The following RIC8B variants were observed in gnomAD, a reference collection of about 807,000 sequenced individuals.
The protein encoded by RIC8B is RIC8 guanine nucleotide exchange factor B.
In RIC8B, 16 loss-of-function variants were observed where a neutral mutation model predicts 57.5. That is an observed-to-expected ratio of 0.28 (90% CI 0.19 to 0.42). RIC8B has a LOEUF of 0.42. Among genes scored for constraint, RIC8B ranks in the 10% least tolerant of loss-of-function variants. RIC8B has a pLI of 1.00. For missense variants in RIC8B, 481 were observed against 677.0 expected (o/e 0.71, Z 3.21); for synonymous variants, 216 against 250.8 (o/e 0.86, Z 1.31).
intron 3 of RIC8B, among the ~76,000 whole-genome samples, chr12:106,824,339 G>T (rs967452397): frequency 6.6e-6 from 1 of 152,120 alleles, no homozygotes; most frequent in African/African-American, 2.4e-5. Flanking sequence ...GTGCCAATCT[G>T]GAGTCCTGAC....
intron 6 of RIC8B, among the ~76,000 whole-genome samples, chr12:106,846,723 CAAA>C (rs35399211): frequency 8.3e-6 from 1 of 120,536 alleles, no homozygotes; most frequent in Admixed American, 8.6e-5. Flanking sequence ...ACAGAACAGC[CAAA>C]AAAAAAAAAA....
In RIC8B at chr12:106,774,690, C is replaced by A; in HGVS notation, c.-56C>A. The A allele has an allele frequency of 6.9e-7, 1 of 1,440,074 alleles. No individual in the cohort carries two copies. Among genetic ancestry groups the A allele is most frequent in the Non-Finnish European group, 9.5e-7 (1 of 1,049,768 alleles). 89.2% of individuals were successfully genotyped at this position (1,440,074 alleles called of 1,614,324 possible). The stretch of plus-strand genomic sequence containing the variant: ...GCGAGCGGGGGCGCGAGGCGTTTAC[C>A]TGGAGGCAGCGGCTTGGGCGCGCAG... On this transcript the variant is annotated 5_prime_UTR_variant, in exon 1 of 10. The change creates a new upstream start codon in the 5' untranslated region. Transcript: ENST00000392837.
At chr12:106,839,787 A>G (rs1324050735) in intron 4 of RIC8B, among the ~76,000 whole-genome samples, 2 of 152,206 alleles carry the variant, frequency 1.3e-5, no homozygotes, top group Admixed American at 6.5e-5. Flanking sequence ...AAGCCATGGC[A>G]GGAAGATTGC....
At chr12:106,815,383 A>G in intron 3 of RIC8B, 79 bp downstream of exon 3, 1 of 1,454,942 alleles carries the variant, frequency 6.9e-7, no homozygotes, top group Non-Finnish European at 9.2e-7. Context: ...GCAAGAGAAG[A>G]ATACAAGTTG....
chr12:106,885,801 A>G, intron 9 of RIC8B, 103 bp from the exon 10 acceptor site: 1 of 705,372 alleles, frequency 1.4e-6, no homozygotes, highest in East Asian at 2.7e-5. Context: ...TGGTTTTTAA[A>G]GACTTTTCTT....
chr12:106,809,500 G>A (rs954123520), intron 2 of RIC8B, among the ~76,000 whole-genome samples: 2 of 142,732 alleles, frequency 1.4e-5, no homozygotes, highest in Admixed American at 7.2e-5. Context: ...TTCAGCCTGG[G>A]AGACAGAGAA....
At chr12:106,835,210 C>G (rs1334182904) in intron 4 of RIC8B, among the ~76,000 whole-genome samples, 6 of 151,994 alleles carry the variant, frequency 3.9e-5, no homozygotes, top group African/African-American at 1.2e-4. Context: ...AGTAAGTTAC[C>G]TTATCATAAC....
At chr12:106,883,848 A>G (rs142709658) in intron 9 of RIC8B, among the ~76,000 whole-genome samples, 46 of 152,296 alleles carry the variant, frequency 3.0e-4, no homozygotes, top group African/African-American at 1.1e-3. Context: ...TTATTTTGGC[A>G]TTTAAGACAT....
At chr12:106,822,550 G>A (rs1485020457) in intron 3 of RIC8B, 1 of 152,200 alleles carries the variant, frequency 6.6e-6, no homozygotes, top group African/African-American at 2.4e-5. Flanking sequence ...TCATACATTG[G>A]AATACTATAT....
chr12:106,827,062 G>A (rs1411039623), intron 4 of RIC8B, among the ~76,000 whole-genome samples: 5 of 152,146 alleles, frequency 3.3e-5, no homozygotes, highest in African/African-American at 9.7e-5. Flanking sequence ...GTGACAAAGC[G>A]AGACCCTGTC....
At chr12:106,809,522 CAAAAA>C (rs201411394) in intron 2 of RIC8B, among the ~76,000 whole-genome samples, 5 of 105,550 alleles carry the variant, frequency 4.7e-5, no homozygotes, top group East Asian at 5.9e-4. Context: ...ACTCTTGTCT[CAAAAA>C]AAAAAAAAAA....
At chr12:106,878,177 C>A (rs1950754319) in intron 9 of RIC8B, among the ~76,000 whole-genome samples, 1 of 152,200 alleles carries the variant, frequency 6.6e-6, no homozygotes, top group East Asian at 1.9e-4. Context: ...AAGTTAGTGG[C>A]TTAATGAAAG....
At chr12:106,797,838 AAAG>A (rs1340674335) in intron 2 of RIC8B, 1 of 478,242 alleles carries the variant, frequency 2.1e-6, no homozygotes, top group Admixed American at 3.9e-5. Context: ...CGCTGAAAAT[AAAG>A]AAGTTGGAGG....
At chr12:106,847,311 T>G (rs560348924) in intron 6 of RIC8B, among the ~76,000 whole-genome samples, 1 of 152,196 alleles carries the variant, frequency 6.6e-6, no homozygotes, top group Non-Finnish European at 1.5e-5. Context: ...GTTAAAAATT[T>G]GTTTTAAGGA....
chr12:106,814,715 T>G lies in RIC8B; in HGVS notation c.152T>G (p.Phe51Cys). ...DKRKKLCEGI[F>C]KVLIKDIPTT... is the part of the protein sequence containing the mutation. ...TTTCAGAAACTCTGTGAAGGCATAT[T>G]TAAAGTCCTTATAAAGGACATCCCA... Residue 51 changes from phenylalanine to cysteine, a missense_variant, in exon 3 of 10, where the codon TTT becomes TGT. By Grantham distance (205) the Phe-to-Cys change is radical (BLOSUM62 -2). Coordinates refer to ENST00000392837, the MANE Select transcript of RIC8B (RefSeq NM_001330145.2). The G allele has an allele frequency of 6.2e-7, 1 of 1,601,838 alleles. No individual in the cohort carries two copies. Among genetic ancestry groups the G allele is most frequent in the Non-Finnish European group, 8.5e-7 (1 of 1,175,162 alleles).
At position 106,887,318 on chromosome 12, in the gene RIC8B, A is replaced by C. The variant is rs1951223622; in HGVS notation, c.*1303A>C. On this transcript the variant is annotated 3_prime_UTR_variant, in exon 10 of 10. Coordinates refer to ENST00000392837, the MANE Select transcript of RIC8B (RefSeq NM_001330145.2). ...TCTGTGTGTGTTTCTTTATAGATAC[A>C]TGGGCTAAACAATACTATTTCACAG... 6.6e-6 allele frequency: 1 copy of C among 152,634 alleles called. No individual in the cohort carries two copies. Among genetic ancestry groups the C allele is most frequent in the South Asian group, 2.1e-4 (1 of 4,826 alleles). 9.5% of individuals were successfully genotyped at this position (152,634 alleles called of 1,614,324 possible).
chr12:106,881,859 C>T (rs1365689805), intron 9 of RIC8B, among the ~76,000 whole-genome samples: 3 of 152,126 alleles, frequency 2.0e-5, no homozygotes, highest in Non-Finnish European at 4.4e-5. Context: ...TTAGAACAAA[C>T]AGTCACACAT....
rs577481292 is a variant in RIC8B at position 106,886,070 on chromosome 12, C to T, written c.*55C>T. The T allele has an allele frequency of 1.3e-4, 154 of 1,220,516 alleles. 1 individual carries two copies. The African/African-American group carries it at 1.4e-3, about 11-fold the overall frequency. 75.6% of individuals were successfully genotyped at this position (1,220,516 alleles called of 1,614,324 possible). A position where few individuals can be genotyped will look rare whatever the true frequency, so the allele number is the denominator to read the frequency against. On this transcript the variant is annotated 3_prime_UTR_variant, in exon 10 of 10. Coordinates refer to ENST00000392837, the MANE Select transcript of RIC8B (RefSeq NM_001330145.2). Reference sequence around the variant, plus strand: ...CTTTATCAGCATCTTTTCTCTGTAGCTCCAGGGGAATCTTTTCTCTAAAAC... The same window carrying T: ...CTTTATCAGCATCTTTTCTCTGTAGTTCCAGGGGAATCTTTTCTCTAAAAC...
intron 2 of RIC8B, among the ~76,000 whole-genome samples, chr12:106,796,336 G>C (rs547145630): frequency 2.0e-5 from 3 of 152,054 alleles, no homozygotes; most frequent in African/African-American, 7.2e-5. Flanking sequence ...TCAGGAGTTC[G>C]AGACCAGCCT....
Sources: allele counts gnomAD v4.1 joint callset (sites outside exome capture counted in the v4.1 genomes callset), GRCh38; gene constraint gnomAD v4.1.1; transcripts MANE v1.5; gene names NCBI Gene and HGNC (gene_info 2026-07-23, HGNC 2026-07-21).